Variants in MAGI1 observed in about 807,000 individuals in gnomAD.
MAGI1 encodes the protein membrane-associated guanylate kinase, WW and PDZ domain-containing protein 1.
In MAGI1, 58 loss-of-function variants were observed where a neutral mutation model predicts 139.9. The ratio of observed to expected loss-of-function variants is 0.41; its 90% CI spans 0.34 to 0.52. The LOEUF (loss-of-function observed/expected upper bound fraction) is 0.52. MAGI1 is among the 20% of genes least tolerant of loss of function. The probability of loss-of-function intolerance (pLI) is 0.12; values close to 1 mark genes in which losing one functional copy is unlikely to be tolerated. For synonymous variants in MAGI1, 812 were observed against 737.9 expected, an observed-to-expected ratio of 1.10 and a Z score of -1.63; for missense variants, 1,874 against 1,901.6, an observed-to-expected ratio of 0.99 and a Z score of 0.27.
At chr3:65,688,398 G>C in intron 1 of MAGI1, 1 of 555,170 alleles carries the variant, frequency 1.8e-6, no homozygotes, top group Admixed American at 2.2e-5. Flanking sequence ...AAAAAGGAAA[G>C]GGAGGAAGAA....
chr3:65,609,945 C>T (rs576891136), intron 2 of MAGI1: 4 of 14,830 alleles, frequency 2.7e-4, no homozygotes, highest in Middle Eastern at 2.5e-3. Context: ...TGTTCACAAT[C>T]GTTGCATTCT....
At chr3:65,812,445 T>TTCTCTCTCTCTC (rs530333757) in intron 1 of MAGI1, among the ~76,000 whole-genome samples, 2 of 130,596 alleles carry the variant, frequency 1.5e-5, no homozygotes, top group Non-Finnish European at 3.3e-5. Flanking sequence ...CTCTCTCTCT[T>TTCTCTCTCTCTC]TCTCTCTCTC....
chr3:65,686,694 G>A (rs1370904046), intron 1 of MAGI1, among the ~76,000 whole-genome samples: 2 of 152,142 alleles, frequency 1.3e-5, no homozygotes, highest in Non-Finnish European at 2.9e-5. Flanking sequence ...ATTATGCTAT[G>A]GCATGCATGA....
rs1479831212 is a variant in MAGI1 at position 65,437,074 on chromosome 3, G to A, written c.1363+81C>T. The stretch of plus-strand genomic sequence containing the variant: ...CAAAGGAATGACTTGGGAGTTACGA[G>A]ATTCCACTTTTCAAAATACCTTAAA... On this transcript the variant is annotated intron_variant, in intron 10 of 22. Transcript: ENST00000402939. The A allele has an allele frequency of 4.7e-6, 4 of 842,760 alleles. No individual in the cohort carries two copies. The African/African-American group carries it at 8.3e-5, about 17-fold the overall frequency. The allele number at this position is 842,760 out of a possible 1,614,324, so 52.2% of individuals were successfully genotyped here. A position where few individuals can be genotyped will look rare whatever the true frequency, so the allele number is the denominator to read the frequency against.
chr3:65,845,260 A>AAGAG (rs2058950030), intron 1 of MAGI1, among the ~76,000 whole-genome samples: 4 of 152,006 alleles, frequency 2.6e-5, no homozygotes, highest in East Asian at 3.9e-4. Context: ...TCAAAAAAAA[A>AAGAG]AAGAGAAGAG....
intron 1 of MAGI1, among the ~76,000 whole-genome samples, chr3:65,850,284 A>G (rs377613291): frequency 1.3e-5 from 2 of 152,302 alleles, no homozygotes; most frequent in East Asian, 3.9e-4. Flanking sequence ...CAACTGTCAC[A>G]ATTTGCCTAA....
chr3:65,458,821 G>A (rs530816395), intron 5 of MAGI1, among the ~76,000 whole-genome samples: 41 of 152,184 alleles, frequency 2.7e-4, no homozygotes, highest in African/African-American at 9.6e-4. Context: ...GATCCCATTT[G>A]TCCATTTTGC....
intron 1 of MAGI1, among the ~76,000 whole-genome samples, chr3:65,971,130 G>A (rs1296489125): frequency 2.6e-5 from 4 of 152,204 alleles, no homozygotes; most frequent in East Asian, 1.9e-4. Flanking sequence ...TTGAACCCAG[G>A]AGGTAGAGGC....
chr3:65,442,763 T>G (rs201779025), intron 8 of MAGI1, 29 bp downstream of exon 8: 1 of 1,567,976 alleles, frequency 6.4e-7, no homozygotes, highest in Non-Finnish European at 8.8e-7. Context: ...AGGTATAAAC[T>G]AATGTGTGGA....
chr3:66,021,641 C>CACA (rs2067965808), intron 1 of MAGI1, among the ~76,000 whole-genome samples: 1 of 152,112 alleles, frequency 6.6e-6, no homozygotes, highest in African/African-American at 2.4e-5. Context: ...ACACTGGATT[C>CACA]ACAGAGTCCA....
At chr3:65,546,252 TCAAAACAGA>T (rs1481504889) in intron 2 of MAGI1, among the ~76,000 whole-genome samples, 1 of 152,152 alleles carries the variant, frequency 6.6e-6, no homozygotes, top group Admixed American at 6.5e-5. Flanking sequence ...AAAAAAGCAG[TCAAAACAGA>T]CAAAACTCTT....
At chr3:65,519,632 C>G (rs1359096624) in intron 2 of MAGI1, among the ~76,000 whole-genome samples, 2 of 152,164 alleles carry the variant, frequency 1.3e-5, no homozygotes, top group Admixed American at 6.5e-5. Flanking sequence ...GATCCACCCA[C>G]TTTGGCCTGC....
chr3:65,407,021 T>A (rs928161500), intron 12 of MAGI1, among the ~76,000 whole-genome samples: 1 of 152,210 alleles, frequency 6.6e-6, no homozygotes, highest in African/African-American at 2.4e-5. Context: ...TAATTCTAAA[T>A]GTAGGACTTT....
intron 1 of MAGI1, among the ~76,000 whole-genome samples, chr3:65,761,006 A>C (rs1040336112): frequency 2.9e-4 from 44 of 152,332 alleles, no homozygotes; most frequent in African/African-American, 9.6e-4. Flanking sequence ...TAGCGCCCAT[A>C]GACGGATAGG....
chr3:65,951,048 G>A (rs2063836696), intron 1 of MAGI1, among the ~76,000 whole-genome samples: 2 of 149,078 alleles, frequency 1.3e-5, no homozygotes, highest in Admixed American at 6.7e-5. Context: ...AAGGAGGGAG[G>A]GAGGGAGGAA....
At chr3:65,656,979 C>CAAAAAAAAAA (rs58817001) in intron 1 of MAGI1, among the ~76,000 whole-genome samples, 8 of 73,924 alleles carry the variant, frequency 1.1e-4, no homozygotes, top group Non-Finnish European at 1.5e-4. Flanking sequence ...GACACCATCT[C>CAAAAAAAAAA]AAAAAAAAAA....
chr3:65,470,561 C>T, intron 4 of MAGI1, 77 bp from the exon 5 acceptor site: 1 of 906,272 alleles, frequency 1.1e-6, no homozygotes, highest in South Asian at 1.5e-5. Context: ...ATACCCCATA[C>T]CCGGGAAGTA....
At chr3:65,901,881 A>C (rs1397892871) in intron 1 of MAGI1, among the ~76,000 whole-genome samples, 1 of 152,100 alleles carries the variant, frequency 6.6e-6, no homozygotes, top group Non-Finnish European at 1.5e-5. Context: ...GTACATCCTT[A>C]TTTTGCTGCA....
In MAGI1 at chr3:65,387,129, C is replaced by T. The variant is rs1284559938; in HGVS notation, c.2417-3506G>A. 3 of 1,609,894 alleles carry T rather than the reference C, an allele frequency of 1.9e-6. No individual in the cohort carries two copies. The Admixed American group carries it at 5.0e-5, about 27-fold the overall frequency. On this transcript the variant is annotated intron_variant, in intron 14 of 22. Coordinates refer to ENST00000402939, the MANE Select transcript of MAGI1 (RefSeq NM_001033057.2). The stretch of plus-strand genomic sequence containing the variant: ...ATGAAAACGGAGAGACAAAAGTTTT[C>T]AGCGGATCCTTACTCGGACATTCTC...
Sources: allele counts gnomAD v4.1 joint callset (sites outside exome capture counted in the v4.1 genomes callset), GRCh38; gene constraint gnomAD v4.1.1; transcripts MANE v1.5; gene names NCBI Gene and HGNC (gene_info 2026-07-23, HGNC 2026-07-21).